Variants in ADGRL3 observed in about 807,000 individuals in gnomAD.
The protein encoded by ADGRL3 is calcium-independent alpha-latrotoxin receptor 3.
ADGRL3 carries 62 observed loss-of-function variants against 153.5 expected under a neutral mutation model. The ratio of observed to expected loss-of-function variants is 0.40; its 90% CI spans 0.33 to 0.50. The LOEUF is 0.50. Ranked by LOEUF, ADGRL3 falls within the 20% of genes least tolerant of loss-of-function variation. The pLI is 0.47. For missense variants in ADGRL3, 1,641 were observed against 1,859.4 expected, an observed-to-expected ratio of 0.88 and a Z score of 2.16; for synonymous variants, 710 against 672.5, an observed-to-expected ratio of 1.06 and a Z score of -0.86.
At chr4:61,655,065 T>TA (rs1561009424) in intron 5 of ADGRL3, among the ~76,000 whole-genome samples, 1 of 152,168 alleles carries the variant, frequency 6.6e-6, no homozygotes, top group African/African-American at 2.4e-5. Flanking sequence ...GTGTGACTCT[T>TA]ACTATCAGCT....
At chr4:61,683,899 G>A (rs946012186) in intron 6 of ADGRL3, among the ~76,000 whole-genome samples, 1 of 152,088 alleles carries the variant, frequency 6.6e-6, no homozygotes, top group Non-Finnish European at 1.5e-5. Flanking sequence ...CAAAGTGCTG[G>A]GACTACAGGA....
intron 8 of ADGRL3, among the ~76,000 whole-genome samples, chr4:61,799,019 AT>A (rs2152472236): frequency 8.6e-6 from 1 of 116,702 alleles, no homozygotes; most frequent in Non-Finnish European, 2.0e-5. Flanking sequence ...ATATATATAT[AT>A]ATATATATAT....
At chr4:61,341,545 AT>A (rs2095808747) in intron 1 of ADGRL3, among the ~76,000 whole-genome samples, 1 of 151,366 alleles carries the variant, frequency 6.6e-6, no homozygotes, top group African/African-American at 2.4e-5. Context: ...ATACACACAC[AT>A]TTATGTTATG....
At chr4:62,049,777 G>A (rs1023183629) in intron 25 of ADGRL3, among the ~76,000 whole-genome samples, 1 of 152,080 alleles carries the variant, frequency 6.6e-6, no homozygotes, top group Admixed American at 6.6e-5. Context: ...TGCATTAATA[G>A]TTCTAAGAAT....
At chr4:61,354,730 G>T (rs36058112) in intron 1 of ADGRL3, among the ~76,000 whole-genome samples, 17,457 of 152,042 alleles carry the variant, frequency 0.11, 1,338 homozygotes, top group Non-Finnish European at 0.18. Context: ...CAGGACAGTG[G>T]GTTCTGAAGA....
intron 1 of ADGRL3, among the ~76,000 whole-genome samples, chr4:61,295,804 TAA>T (rs56672796): frequency 3.6e-5 from 5 of 140,814 alleles, no homozygotes; most frequent in Non-Finnish European, 1.5e-5. Context: ...TACACAGATT[TAA>T]AAAAAAAAAA....
chr4:61,461,221 T>C (rs1267834259), intron 2 of ADGRL3, among the ~76,000 whole-genome samples: 2 of 152,136 alleles, frequency 1.3e-5, no homozygotes, highest in Non-Finnish European at 2.9e-5. Context: ...CAATTCAATA[T>C]GAGATTTCGG....
chr4:61,452,136 G>A (rs910930738), intron 2 of ADGRL3, among the ~76,000 whole-genome samples: 1 of 152,102 alleles, frequency 6.6e-6, no homozygotes, highest in South Asian at 2.1e-4. Flanking sequence ...CTCAATCAAG[G>A]ATGTGATATG....
chr4:61,868,628 T>C (rs968799889), intron 9 of ADGRL3, among the ~76,000 whole-genome samples: 1 of 152,222 alleles, frequency 6.6e-6, no homozygotes, highest in Non-Finnish European at 1.5e-5. Context: ...TAAACTTGCC[T>C]TTCTTTTTTT....
chr4:61,866,065 T>G (rs2098397301), intron 9 of ADGRL3, among the ~76,000 whole-genome samples: 1 of 152,222 alleles, frequency 6.6e-6, no homozygotes, highest in Admixed American at 6.5e-5. Context: ...ATACCTTTTC[T>G]GTGGATATCA....
At chr4:62,043,320 TTTAA>T (rs948323901) in intron 24 of ADGRL3, among the ~76,000 whole-genome samples, 26 of 152,058 alleles carry the variant, frequency 1.7e-4, no homozygotes, top group East Asian at 1.9e-4. Flanking sequence ...AATTAATATT[TTTAA>T]TTAATTAATT....
At chr4:62,005,274 C>G (rs2099153610) in intron 21 of ADGRL3, among the ~76,000 whole-genome samples, 1 of 151,980 alleles carries the variant, frequency 6.6e-6, no homozygotes, top group Non-Finnish European at 1.5e-5. Flanking sequence ...TCTTTTTTGG[C>G]TTTTCTTTAA....
intron 6 of ADGRL3, among the ~76,000 whole-genome samples, chr4:61,696,940 G>A (rs1454086798): frequency 3.3e-5 from 5 of 152,018 alleles, no homozygotes; most frequent in Non-Finnish European, 7.4e-5. Flanking sequence ...GCCTCCTAAA[G>A]TGCTAAGATT....
intron 11 of ADGRL3, among the ~76,000 whole-genome samples, chr4:61,903,249 C>T (rs1057141493): frequency 5.9e-5 from 9 of 152,110 alleles, no homozygotes; most frequent in Non-Finnish European, 1.3e-4. Flanking sequence ...TCCGTTGTAC[C>T]TTGTATCCCT....
At chr4:61,632,453 C>A (rs1579970389) in intron 5 of ADGRL3, among the ~76,000 whole-genome samples, 1 of 152,052 alleles carries the variant, frequency 6.6e-6, no homozygotes, top group Non-Finnish European at 1.5e-5. Context: ...CTCTTTCTTG[C>A]TCTTTCTACT....
Position 61,922,978 on chromosome 4 carries a change from A to G in ADGRL3, c.2112+10221A>G, listed in dbSNP as rs562598358. Among the ~76,000 whole-genome samples, 6 of 152,342 alleles carry G rather than the reference A, an allele frequency of 3.9e-5. No homozygotes were observed. In the East Asian group the frequency reaches 7.7e-4, roughly 20 times the overall value. ...TTGATTACTTCACTTCGTGCGGATCAGGGAAGACTTTCTAAGGAAGTGATA... is the reference window on the plus strand; with the variant it reads ...TTGATTACTTCACTTCGTGCGGATCGGGGAAGACTTTCTAAGGAAGTGATA... On this transcript the variant is annotated intron_variant, in intron 13 of 26. Coordinates refer to ENST00000683033, the MANE Select transcript of ADGRL3 (RefSeq NM_001387552.1).
intron 13 of ADGRL3, among the ~76,000 whole-genome samples, chr4:61,915,230 G>T (rs1374131656): frequency 6.7e-6 from 1 of 148,554 alleles, no homozygotes; most frequent in Admixed American, 6.8e-5. Flanking sequence ...GCTTTGGGAG[G>T]TATATATAGG....
intron 6 of ADGRL3, among the ~76,000 whole-genome samples, chr4:61,709,030 G>A (rs12648947): frequency 0.44 from 66,964 of 151,670 alleles, 15,099 homozygotes; most frequent in Admixed American, 0.57. Context: ...GGCTGGTCTC[G>A]ACTCCTGACC....
chr4:61,755,640 A>T (rs920374866), intron 8 of ADGRL3, among the ~76,000 whole-genome samples: 3 of 152,034 alleles, frequency 2.0e-5, no homozygotes, highest in Admixed American at 6.5e-5. Context: ...CCCATTTGTC[A>T]ATTTTGGCTT....
Sources: gnomAD v4.1 joint callset for allele counts (sites outside exome capture counted in the v4.1 genomes callset) on GRCh38, gnomAD v4.1.1 for gene constraint, MANE v1.5 for transcripts, NCBI Gene and HGNC (gene_info 2026-07-23, HGNC 2026-07-21) for gene names.